The following TBC1D22A variants were observed in gnomAD, a reference collection of about 807,000 sequenced individuals.
TBC1D22A encodes the protein TBC1 domain family member 22A.
Under a neutral mutation model 60.2 loss-of-function variants are expected in TBC1D22A, and 38 were observed. The ratio of observed to expected loss-of-function variants is 0.63; its 90% CI spans 0.49 to 0.83. The LOEUF is 0.83. TBC1D22A is among the 40% of genes least tolerant of loss of function. The pLI is 0.00. For synonymous variants in TBC1D22A, 302 were observed against 281.7 expected, an observed-to-expected ratio of 1.07 and a Z score of -0.72; for missense variants, 628 against 701.0, an observed-to-expected ratio of 0.90 and a Z score of 1.18.
At chr22:47,058,902 G>A (rs1300352969) in intron 11 of TBC1D22A, among the ~76,000 whole-genome samples, 2 of 152,208 alleles carry the variant, frequency 1.3e-5, no homozygotes, top group East Asian at 3.9e-4. Flanking sequence ...ATCTTGAGCA[G>A]TGGTGGGGCC....
chr22:47,135,062 C>T (rs1161854003), intron 12 of TBC1D22A, among the ~76,000 whole-genome samples: 3 of 152,252 alleles, frequency 2.0e-5, no homozygotes, highest in South Asian at 2.1e-4. Flanking sequence ...CTCAGACCCC[C>T]GCCCCAGTCC....
chr22:46,822,653 A>T (rs60788050), intron 4 of TBC1D22A, among the ~76,000 whole-genome samples: 2,065 of 152,200 alleles, frequency 0.014, 47 homozygotes, highest in African/African-American at 0.043. Flanking sequence ...AGGTGCACCA[A>T]CCTGATGCCA....
rs551933778 is a variant in TBC1D22A at position 46,817,843 on chromosome 22, A to C, written c.637+20223A>C. On this transcript the variant is annotated intron_variant, in intron 4 of 12. Coordinates refer to ENST00000337137, the MANE Select transcript of TBC1D22A (RefSeq NM_014346.5). ...TTGGAAAATCGCCATACCGTCTTCC[A>C]CAGTGGTTGAACTAATTTACATTCC... Among the ~76,000 whole-genome samples, 9 of 152,326 alleles carry C rather than the reference A, an allele frequency of 5.9e-5. No individual in the cohort carries two copies. In the East Asian group the frequency reaches 1.7e-3, roughly 29 times the overall value.
chr22:46,941,208 T>TAC (rs71315174), intron 8 of TBC1D22A, among the ~76,000 whole-genome samples: 3,960 of 84,784 alleles, frequency 0.047, 227 homozygotes, highest in African/African-American at 0.086. Flanking sequence ...TATATATGTA[T>TAC]ACACACACAC....
chr22:46,885,557 G>A (rs1039405350), intron 5 of TBC1D22A, among the ~76,000 whole-genome samples: 29 of 152,310 alleles, frequency 1.9e-4, no homozygotes, highest in African/African-American at 5.3e-4. Context: ...GCCAAGAGAC[G>A]GACAGGCTTG....
chr22:46,910,093 C>G (rs2069800756), intron 7 of TBC1D22A, among the ~76,000 whole-genome samples: 1 of 152,204 alleles, frequency 6.6e-6, no homozygotes, highest in South Asian at 2.1e-4. Flanking sequence ...TCAGTTCTCT[C>G]TAGAAAGTTG....
At chr22:47,026,728 T>C (rs578215145) in intron 10 of TBC1D22A, among the ~76,000 whole-genome samples, 1 of 152,270 alleles carries the variant, frequency 6.6e-6, no homozygotes, top group Non-Finnish European at 1.5e-5. Flanking sequence ...CACTGAAAAC[T>C]ACAAAACAAT....
At chr22:46,944,462 A>G (rs558741070) in intron 8 of TBC1D22A, among the ~76,000 whole-genome samples, 12 of 152,248 alleles carry the variant, frequency 7.9e-5, no homozygotes, top group East Asian at 3.9e-4. Flanking sequence ...GCAGTGGCGC[A>G]ATCTTGGCTC....
chr22:47,053,381 G>GGT (rs1181519405), intron 11 of TBC1D22A, among the ~76,000 whole-genome samples: 1 of 152,170 alleles, frequency 6.6e-6, no homozygotes, highest in East Asian at 1.9e-4. Flanking sequence ...AGTCCCCCTT[G>GGT]GTAGGGCACC....
chr22:47,030,801 C>T (rs117836474), intron 10 of TBC1D22A, among the ~76,000 whole-genome samples: 2 of 152,358 alleles, frequency 1.3e-5, no homozygotes, highest in African/African-American at 2.4e-5. Flanking sequence ...TCGGCATGTA[C>T]ATTTGCAGCT....
At chr22:46,928,548 A>G (rs2071176257) in intron 8 of TBC1D22A, among the ~76,000 whole-genome samples, 1 of 152,238 alleles carries the variant, frequency 6.6e-6, no homozygotes, top group Non-Finnish European at 1.5e-5. Context: ...AGCAAAAGGG[A>G]CAAAGGATAG....
At position 47,079,386 on chromosome 22, in the gene TBC1D22A, C is replaced by T. The variant is rs185896353; in HGVS notation, c.1330-32122C>T. On this transcript the variant is annotated intron_variant, in intron 11 of 12. Transcript: ENST00000337137. The stretch of plus-strand genomic sequence containing the variant: ...ACAGACTTGAGCCACCGTGCCCAGC[C>T]GGGACAGACATCTTGATAAAGAAAA... Among the ~76,000 whole-genome samples, 430 of 152,202 alleles carry T rather than the reference C, an allele frequency of 2.8e-3. 1 individual carries two copies. Among genetic ancestry groups the T allele is most frequent in the Non-Finnish European group, 4.2e-3 (286 of 68,018 alleles).
intron 1 of TBC1D22A, among the ~76,000 whole-genome samples, chr22:46,773,208 C>G (rs928331192): frequency 1.3e-5 from 2 of 152,068 alleles, no homozygotes; most frequent in Non-Finnish European, 1.5e-5. Flanking sequence ...TGCAGTGCTT[C>G]TAGGTGCAGT....
intron 8 of TBC1D22A, among the ~76,000 whole-genome samples, chr22:46,945,808 C>T (rs1472228341): frequency 2.6e-5 from 4 of 152,052 alleles, no homozygotes; most frequent in African/African-American, 9.7e-5. Flanking sequence ...AGAGGCGGGT[C>T]GAGGCACAAA....
At chr22:46,974,192 G>A (rs530226041) in intron 8 of TBC1D22A, 98 bp from the exon 9 acceptor site, 220 of 949,566 alleles carry the variant, frequency 2.3e-4, no homozygotes, top group Non-Finnish European at 3.3e-4. Flanking sequence ...GGAGGGAGCT[G>A]GATGCAGGCT....
At chr22:46,951,997 G>C (rs1170308497) in intron 8 of TBC1D22A, among the ~76,000 whole-genome samples, 1 of 152,198 alleles carries the variant, frequency 6.6e-6, no homozygotes, top group Non-Finnish European at 1.5e-5. Context: ...AGAGCAGGCT[G>C]TTTGTTACGA....
intron 8 of TBC1D22A, among the ~76,000 whole-genome samples, chr22:46,939,258 T>A (rs1427431329): frequency 3.9e-5 from 6 of 152,204 alleles, no homozygotes; most frequent in African/African-American, 1.4e-4. Flanking sequence ...ATGGTGAAAT[T>A]GATCATATCA....
intron 5 of TBC1D22A, among the ~76,000 whole-genome samples, chr22:46,886,479 C>T (rs541198679): frequency 8.5e-5 from 13 of 152,316 alleles, no homozygotes; most frequent in Non-Finnish European, 1.3e-4. Flanking sequence ...TGTAACCAGG[C>T]GGTTGTGACC....
At chr22:46,936,142 G>A (rs2071637912) in intron 8 of TBC1D22A, among the ~76,000 whole-genome samples, 1 of 152,234 alleles carries the variant, frequency 6.6e-6, no homozygotes, top group South Asian at 2.1e-4. Flanking sequence ...GGCATGTGCT[G>A]GTCACCTTGA....
Sources: gnomAD v4.1 joint callset for allele counts (sites outside exome capture counted in the v4.1 genomes callset) on GRCh38, gnomAD v4.1.1 for gene constraint, MANE v1.5 for transcripts, NCBI Gene and HGNC (gene_info 2026-07-23, HGNC 2026-07-21) for gene names.